The following DCAF8L2 variants were observed in gnomAD, a reference collection of about 807,000 sequenced individuals.
The protein encoded by DCAF8L2 is DDB1 and CUL4 associated factor 8 like 2, also known as DDB1- and CUL4-associated factor 8-like protein 2.
For synonymous variants in DCAF8L2, 200 were observed against 190.9 expected, an observed-to-expected ratio of 1.05 and a Z score of -0.39; for missense variants, 430 against 490.7, an observed-to-expected ratio of 0.88 and a Z score of 1.17.
the DCAF8L2 span, among the ~76,000 whole-genome samples, chrX:27,534,530 A>G: frequency 1.8e-5 from 2 of 112,245 alleles, no homozygotes; most frequent in African/African-American, 6.5e-5. Flanking sequence ...GAATTATATG[A>G]CAAAATGATT....
intron 1 of DCAF8L2, among the ~76,000 whole-genome samples, chrX:27,613,033 C>T (rs777973319): frequency 1.8e-5 from 2 of 111,657 alleles, no homozygotes; most frequent in African/African-American, 3.3e-5. Context: ...CTATAAATTA[C>T]TTTGGGCAGT....
the DCAF8L2 span, among the ~76,000 whole-genome samples, chrX:27,485,723 T>A: frequency 0.062 from 6,868 of 110,638 alleles, 522 homozygotes; most frequent in African/African-American, 0.21. Context: ...AAAAATCCTA[T>A]ATTAATTGTT....
At chrX:27,614,313 T>C (rs1412541115) in intron 1 of DCAF8L2, among the ~76,000 whole-genome samples, 1 of 111,556 alleles carries the variant, frequency 9.0e-6, no homozygotes, top group Non-Finnish European at 1.9e-5. Flanking sequence ...CTTTATCATT[T>C]TTTATTGTGT....
chrX:27,681,903 G>T (rs1450543988), intron 3 of DCAF8L2, among the ~76,000 whole-genome samples: 1 of 111,836 alleles, frequency 8.9e-6, no homozygotes, highest in African/African-American at 3.2e-5. Flanking sequence ...GAAATTCAGA[G>T]AATTATTTGT....
At chrX:27,595,359 C>T (rs2147112278) in intron 1 of DCAF8L2, among the ~76,000 whole-genome samples, 1 of 111,772 alleles carries the variant, frequency 8.9e-6, no homozygotes, top group Admixed American at 9.5e-5. Context: ...ATCCTCTTCT[C>T]TAGTCATTCT....
At chrX:27,496,823 G>A in the DCAF8L2 span, among the ~76,000 whole-genome samples, 1 of 112,141 alleles carries the variant, frequency 8.9e-6, no homozygotes, top group Non-Finnish European at 1.9e-5. Context: ...TCCTGTTAAA[G>A]TGACGGCAAC....
intron 1 of DCAF8L2, among the ~76,000 whole-genome samples, chrX:27,604,165 C>T (rs1926772272): frequency 9.0e-6 from 1 of 111,045 alleles, no homozygotes; most frequent in African/African-American, 3.3e-5. Flanking sequence ...CAGCTTTTCA[C>T]ACTCTCTAAT....
the DCAF8L2 span, among the ~76,000 whole-genome samples, chrX:27,522,740 T>A: frequency 8.9e-6 from 1 of 112,298 alleles, no homozygotes; most frequent in Non-Finnish European, 1.9e-5. Context: ...TCATCCATGT[T>A]GTAGTACATG....
the DCAF8L2 span, among the ~76,000 whole-genome samples, chrX:27,488,029 A>G: frequency 3.6e-5 from 4 of 112,140 alleles, no homozygotes. Context: ...CAATTTTTAA[A>G]TCCTGTCCTA....
chrX:27,621,126 G>C, intron 1 of DCAF8L2, among the ~76,000 whole-genome samples: 1 of 111,824 alleles, frequency 8.9e-6, no homozygotes. Flanking sequence ...CACAGTCATA[G>C]AGACAAAAAG....
At chrX:27,556,222 A>G in the DCAF8L2 span, among the ~76,000 whole-genome samples, 1 of 111,129 alleles carries the variant, frequency 9.0e-6, no homozygotes, top group Non-Finnish European at 1.9e-5. Flanking sequence ...TAGCTTAATA[A>G]TTATTTATAT....
chrX:27,472,834 C>T, the DCAF8L2 span, among the ~76,000 whole-genome samples: 41 of 111,741 alleles, frequency 3.7e-4, no homozygotes, highest in African/African-American at 1.3e-3. Flanking sequence ...TAGAGGTGAA[C>T]TAACTTTAAA....
intron 4 of DCAF8L2, among the ~76,000 whole-genome samples, chrX:27,738,450 T>G (rs1168615803): frequency 9.0e-6 from 1 of 111,468 alleles, no homozygotes; most frequent in Non-Finnish European, 1.9e-5. Context: ...TTCTTCCTCA[T>G]GTCCTTAATT....
chrX:27,623,176 G>C (rs1927859391), intron 1 of DCAF8L2, among the ~76,000 whole-genome samples: 1 of 111,367 alleles, frequency 9.0e-6, no homozygotes, highest in Non-Finnish European at 1.9e-5. Flanking sequence ...CTACCAGAAA[G>C]GGCTGGTTTG....
At chrX:27,585,183 G>A in the DCAF8L2 span, among the ~76,000 whole-genome samples, 1 of 110,528 alleles carries the variant, frequency 9.0e-6, no homozygotes, top group African/African-American at 3.3e-5. Context: ...CTATTTCATC[G>A]TCTATGAAAC....
At chrX:27,476,780 G>T in the DCAF8L2 span, among the ~76,000 whole-genome samples, 120 of 111,940 alleles carry the variant, frequency 1.1e-3, 1 homozygote, top group African/African-American at 3.8e-3. Context: ...TGCAAAATTG[G>T]CAAGTCACTT....
the DCAF8L2 span, among the ~76,000 whole-genome samples, chrX:27,514,134 A>G: frequency 9.0e-6 from 1 of 111,432 alleles, no homozygotes; most frequent in African/African-American, 3.3e-5. Context: ...GTGTATATGT[A>G]CACATATGTA....
At chrX:27,597,077 G>A (rs1408415310) in intron 1 of DCAF8L2, among the ~76,000 whole-genome samples, 1 of 111,642 alleles carries the variant, frequency 9.0e-6, no homozygotes, top group Non-Finnish European at 1.9e-5. Context: ...TGGATTTGGA[G>A]TTAACATGAA....
At chrX:27,506,855 TCTTAA>T in the DCAF8L2 span, among the ~76,000 whole-genome samples, 22 of 111,381 alleles carry the variant, frequency 2.0e-4, no homozygotes, top group Admixed American at 1.4e-3. Flanking sequence ...AATTACCTTA[TCTTAA>T]CTTGATTACA....
Sources: allele counts gnomAD v4.1 joint callset (sites outside exome capture counted in the v4.1 genomes callset), GRCh38; gene constraint gnomAD v4.1.1; transcripts MANE v1.5; gene names NCBI Gene and HGNC (gene_info 2026-07-23, HGNC 2026-07-21).